Variants in SWT1 observed in about 807,000 individuals in gnomAD.
SWT1 encodes the protein transcriptional protein SWT1.
In SWT1, 33 loss-of-function variants were observed where a neutral mutation model predicts 107.3. The observed-to-expected ratio is 0.31, with a 90% confidence interval of 0.23 to 0.41. The LOEUF (loss-of-function observed/expected upper bound fraction) is 0.41, where lower values mean the gene tolerates loss of function less well. Ranked by LOEUF, SWT1 falls within the 10% of genes least tolerant of loss-of-function variation. The probability of loss-of-function intolerance (pLI) is 1.00; values close to 1 mark genes in which losing one functional copy is unlikely to be tolerated. For missense variants in SWT1, 898 were observed against 1,028.9 expected, an observed-to-expected ratio of 0.87 and a Z score of 1.74; for synonymous variants, 345 against 348.3, an observed-to-expected ratio of 0.99 and a Z score of 0.11.
rs186606158 is a variant in SWT1 at position 185,244,878 on chromosome 1, C to T, written c.2441+13170C>T. On this transcript the variant is annotated intron_variant, in intron 16 of 18. Transcript: ENST00000367500. Reference sequence around the variant, plus strand: ...GGGGGTTTGCTTGAAGCCCGGAGTTCGAGAGTAGTCTAGGCAACATAGTGA... The same window carrying T: ...GGGGGTTTGCTTGAAGCCCGGAGTTTGAGAGTAGTCTAGGCAACATAGTGA... 2.4e-4 allele frequency among the ~76,000 whole-genome samples: 37 copies of T among 152,050 alleles called. 1 individual carries two copies. Among genetic ancestry groups the T allele is most frequent in the African/African-American group, 7.2e-4 (30 of 41,462 alleles).
At chr1:185,256,885 T>C (rs992260267) in intron 16 of SWT1, among the ~76,000 whole-genome samples, 3 of 152,196 alleles carry the variant, frequency 2.0e-5, no homozygotes, top group African/African-American at 7.2e-5. Context: ...AGTTTTTCTG[T>C]TCTGTTTTTT....
chr1:185,167,057 A>G (rs1227097144), intron 3 of SWT1, among the ~76,000 whole-genome samples: 1 of 152,088 alleles, frequency 6.6e-6, no homozygotes, highest in Non-Finnish European at 1.5e-5. Context: ...ACAGGCGTGC[A>G]CCACCAGGCT....
At chr1:185,214,244 CTTTACT>C (rs1306182807) in intron 13 of SWT1, among the ~76,000 whole-genome samples, 1 of 151,990 alleles carries the variant, frequency 6.6e-6, no homozygotes, top group Non-Finnish European at 1.5e-5. Flanking sequence ...TATTCTTTAA[CTTTACT>C]TTTACTTTGA....
chr1:185,174,317 A>G, intron 4 of SWT1, 55 bp from the exon 5 acceptor site: 2 of 1,339,080 alleles, frequency 1.5e-6, no homozygotes, highest in Non-Finnish European at 9.9e-7. Flanking sequence ...AAAATGATAG[A>G]GTGCAACATT....
chr1:185,195,447 C>T lies in SWT1; in HGVS notation c.1523+4805C>T, dbSNP rs567291691. Among the ~76,000 whole-genome samples the T allele has an allele frequency of 1.8e-3, 272 of 152,222 alleles. 3 individuals carry two copies. Among genetic ancestry groups the T allele is most frequent in the Middle Eastern group, 3.4e-3 (1 of 294 alleles). ...AAGTCTTTGCTATTGTGAATAGTGC[C>T]GCAATAAACATATGTGTGCATGTGT... On this transcript the variant is annotated intron_variant, in intron 10 of 18. Coordinates refer to ENST00000367500, the MANE Select transcript of SWT1 (RefSeq NM_017673.7).
At chr1:185,221,560 C>A (rs546417988) in intron 14 of SWT1, among the ~76,000 whole-genome samples, 1 of 152,204 alleles carries the variant, frequency 6.6e-6, no homozygotes, top group East Asian at 1.9e-4. Flanking sequence ...CTATCTCTTT[C>A]AGTACTGCAT....
rs1360448810 is a variant in SWT1, at chr1:185,174,758, A to G, written c.611A>G (p.Glu204Gly). 6.2e-7 allele frequency: 1 copy of G among 1,611,294 alleles called. No individual in the cohort carries two copies. The highest frequency in any genetic ancestry group is 8.5e-7 in the Non-Finnish European group (1 of 1,179,428). The change falls in exon 5 of 19, where the codon GAG (glutamate) becomes GGG (glycine). Residue 204 changes from glutamate (E) to glycine (G), a missense_variant. Physicochemically the swap from Glu to Gly is moderately conservative, Grantham distance 98. Around this residue, in one of 6 missense-constraint regions of SWT1, gnomAD observed 382 missense variants for 362.4 expected, o/e 1.05. Transcript: ENST00000367500. ...FRDNSEKCVLEKWKRNQFSQD... is the reference protein window; with the variant it reads ...FRDNSEKCVLGKWKRNQFSQD... ...GACAATTCTGAAAAATGTGTCTTAG[A>G]GAAATGGAAGAGAAATCAATTTTCT...
chr1:185,175,180 C>A, intron 5 of SWT1, 67 bp downstream of exon 5: 209 of 1,032,908 alleles, frequency 2.0e-4, no homozygotes, highest in Non-Finnish European at 2.4e-4. Context: ...TAAGTTTTTT[C>A]TGTATTTCTA....
intron 16 of SWT1, among the ~76,000 whole-genome samples, chr1:185,240,006 A>T (rs1283525210): frequency 6.6e-6 from 1 of 152,074 alleles, no homozygotes; most frequent in African/African-American, 2.4e-5. Flanking sequence ...AGGTCATGTA[A>T]TCCAACTCTG....
intron 18 of SWT1, among the ~76,000 whole-genome samples, chr1:185,286,501 G>A (rs1012770092): frequency 1.4e-4 from 21 of 152,146 alleles, no homozygotes; most frequent in African/African-American, 4.8e-4. Flanking sequence ...TGGGATTACA[G>A]GCATGAGCCA....
intron 16 of SWT1, chr1:185,264,407 G>A: frequency 1.0e-6 from 1 of 985,106 alleles, no homozygotes; most frequent in Non-Finnish European, 1.2e-6. Flanking sequence ...TCCCCAAACA[G>A]CTTGAATTGA....
chr1:185,190,704 T>A (rs1322815948), intron 10 of SWT1, 62 bp downstream of exon 10: 1 of 1,018,166 alleles, frequency 9.8e-7, no homozygotes, highest in Admixed American at 2.1e-5. Context: ...TTTAAAAAAA[T>A]CATATGGTAT....
At chr1:185,193,467 CT>C (rs770162424) in intron 10 of SWT1, among the ~76,000 whole-genome samples, 222 of 139,376 alleles carry the variant, frequency 1.6e-3, no homozygotes, top group African/African-American at 2.3e-3. Flanking sequence ...TTTTTCTTTT[CT>C]TTTTTTTTTT....
chr1:185,270,553 A>T (rs1356371410), intron 16 of SWT1, among the ~76,000 whole-genome samples: 1 of 151,936 alleles, frequency 6.6e-6, no homozygotes, highest in African/African-American at 2.4e-5. Context: ...ATAATTTTTT[A>T]AAATATTAGC....
At chr1:185,253,814 T>A (rs559113854) in intron 16 of SWT1, among the ~76,000 whole-genome samples, 5 of 151,702 alleles carry the variant, frequency 3.3e-5, no homozygotes, top group Admixed American at 2.0e-4. Flanking sequence ...TCCAACACCA[T>A]GTTGAATAGG....
chr1:185,193,443 C>G (rs1485943273), intron 10 of SWT1, among the ~76,000 whole-genome samples: 3 of 150,900 alleles, frequency 2.0e-5, no homozygotes, highest in African/African-American at 7.3e-5. Context: ...TCTTCTATAA[C>G]CTTACTGGCC....
At chr1:185,249,211 T>TC in intron 16 of SWT1, among the ~76,000 whole-genome samples, 1 of 152,326 alleles carries the variant, frequency 6.6e-6, no homozygotes. Context: ...CAGGCTGGTT[T>TC]CCAAGAGTGT....
intron 16 of SWT1, among the ~76,000 whole-genome samples, chr1:185,248,244 A>G (rs558710307): frequency 2.4e-4 from 37 of 152,260 alleles, no homozygotes; most frequent in Non-Finnish European, 4.6e-4. Flanking sequence ...TACATGTTTA[A>G]TCTTAGGGAC....
Position 185,174,899 on chromosome 1 carries a change from A to G in SWT1, c.752A>G (p.Asn251Ser), listed in dbSNP as rs749272651. The G allele has an allele frequency of 2.5e-6, 4 of 1,614,042 alleles. No individual in the cohort carries two copies. In the Admixed American group the frequency reaches 5.0e-5, roughly 20 times the overall value. ...RDTLQKLVEENVFNIDSNNSK... is the reference protein window; with the variant it reads ...RDTLQKLVEESVFNIDSNNSK... ...ACCCTCCAGAAACTTGTAGAAGAAA[A>G]TGTCTTCAACATAGATTCTAATAAT... is the stretch of plus-strand genomic sequence containing the variant. Residue 251 changes from asparagine to serine, a missense_variant, in exon 5 of 19, where the codon AAT (asparagine) becomes AGT (serine). By Grantham distance (46) the Asn-to-Ser change is conservative. Around this residue, in one of 6 missense-constraint regions of SWT1, gnomAD observed 382 missense variants for 362.4 expected, o/e 1.05. Coordinates refer to ENST00000367500, the MANE Select transcript of SWT1 (RefSeq NM_017673.7).
Sources: allele counts gnomAD v4.1 joint callset (sites outside exome capture counted in the v4.1 genomes callset), GRCh38; gene constraint gnomAD v4.1.1; regional missense constraint gnomAD v4.1.1; transcripts MANE v1.5; gene names NCBI Gene and HGNC (gene_info 2026-07-23, HGNC 2026-07-21).